USP38: variants seen among roughly 807,000 people sequenced by gnomAD.
The protein encoded by USP38 is ubiquitin specific peptidase 38.
A neutral mutation model predicts 94.3 loss-of-function variants in USP38; 49 were observed. That is an observed-to-expected ratio of 0.52 (90% CI 0.41 to 0.66). The LOEUF is 0.66. Ranked by LOEUF, USP38 falls within the 30% of genes least tolerant of loss-of-function variation. USP38 has a pLI of 0.00. For synonymous variants in USP38, 468 were observed against 463.6 expected (o/e 1.01, Z -0.12); for missense variants, 1,128 against 1,229.4 (o/e 0.92, Z 1.23).
Position 143,209,670 on chromosome 4 carries a change from G to C in USP38, c.1497+13G>C. The C allele has an allele frequency of 6.5e-7, 1 of 1,527,600 alleles. No homozygotes were observed. Among genetic ancestry groups the C allele is most frequent in the South Asian group, 1.1e-5 (1 of 87,470 alleles). 94.6% of individuals were successfully genotyped at this position (1,527,600 alleles called of 1,614,324 possible). A position where few individuals can be genotyped will look rare whatever the true frequency, so the allele number is the denominator to read the frequency against. On this transcript the variant is annotated intron_variant, in intron 7 of 9. Coordinates refer to ENST00000307017, the MANE Select transcript of USP38 (RefSeq NM_032557.6). The stretch of plus-strand genomic sequence containing the variant: ...GGCCCATACACAGGTGAGTGTGTAT[G>C]TGTATATAGTACGTTTATGTTAACT...
chr4:143,202,136 A>G (rs895175243), intron 4 of USP38, among the ~76,000 whole-genome samples: 8 of 152,194 alleles, frequency 5.3e-5, no homozygotes, highest in African/African-American at 1.9e-4. Flanking sequence ...ATGTGGCTTT[A>G]TGCGACAGAA....
Position 143,213,596 on chromosome 4 carries a change from A to C in USP38, c.1620A>C (p.Glu540Asp). The change falls in exon 9 of 10, where the codon GAA (glutamate) becomes GAC (aspartate). Residue 540 changes from glutamate (E) to aspartate (D), a missense_variant. Glu to Asp is a conservative substitution (Grantham distance 45). Coordinates refer to ENST00000307017, the MANE Select transcript of USP38 (RefSeq NM_032557.6). ...RFLLDRLHEEEKILKVQASHK... is the reference protein window; with the variant it reads ...RFLLDRLHEEDKILKVQASHK... The stretch of plus-strand genomic sequence containing the variant: ...TCTGCTGCAGGCTCCATGAAGAAGA[A>C]AAGATCTTGAAAGTTCAGGCCTCAC... 6.2e-7 allele frequency: 1 copy of C among 1,603,640 alleles called. No homozygotes were observed. Among genetic ancestry groups the C allele is most frequent in the Non-Finnish European group, 8.5e-7 (1 of 1,176,432 alleles).
chr4:143,192,411 G>A (rs552064052), intron 2 of USP38, among the ~76,000 whole-genome samples: 10 of 152,200 alleles, frequency 6.6e-5, no homozygotes, highest in Admixed American at 4.6e-4. Context: ...TGATCCAGCC[G>A]CCTTGGCCTC....
intron 4 of USP38, among the ~76,000 whole-genome samples, chr4:143,201,857 CAT>C (rs1731724590): frequency 6.6e-6 from 1 of 152,094 alleles, no homozygotes; most frequent in African/African-American, 2.4e-5. Context: ...AACTTTCACA[CAT>C]TTAGAAAGTA....
rs1402876262 is a variant in USP38, at chr4:143,221,990, C to T, written c.*1534C>T. The T allele has an allele frequency of 1.3e-5, 2 of 152,010 alleles. No individual in the cohort carries two copies. Among genetic ancestry groups the T allele is most frequent in the South Asian group, 4.1e-4 (2 of 4,836 alleles). The allele number at this position is 152,010 out of a possible 1,614,324, so 9.4% of individuals were successfully genotyped here. ...CCTTATAAATGAATGAACCAGTTAT[C>T]ATGCTTTTCTGTGGTTTTCCTATCC... is the stretch of plus-strand genomic sequence containing the variant. On this transcript the variant is annotated 3_prime_UTR_variant, in exon 10 of 10. Coordinates refer to ENST00000307017, the MANE Select transcript of USP38 (RefSeq NM_032557.6).
intron 9 of USP38, among the ~76,000 whole-genome samples, chr4:143,219,704 A>G (rs752403444): frequency 6.6e-6 from 1 of 152,134 alleles, no homozygotes; most frequent in Non-Finnish European, 1.5e-5. Context: ...TGAATTTGCC[A>G]TTATTTATTC....
intron 6 of USP38, among the ~76,000 whole-genome samples, chr4:143,208,698 A>G (rs9993699): frequency 0.99 from 150,649 of 152,052 alleles, 74,629 homozygotes; most frequent in East Asian, 1. Context: ...TACTCTGGAT[A>G]ATCATCCTTT....
intron 6 of USP38, 83 bp downstream of exon 6, chr4:143,206,309 A>G: frequency 8.5e-7 from 1 of 1,172,186 alleles, no homozygotes; most frequent in East Asian, 2.6e-5. Context: ...AATTGTCTAC[A>G]CATTATTCCT....
chr4:143,198,398 A>G (rs939877261), intron 4 of USP38, among the ~76,000 whole-genome samples: 7 of 152,200 alleles, frequency 4.6e-5, no homozygotes, highest in Admixed American at 1.3e-4. Context: ...TTTGATTTCA[A>G]TTATTTGATT....
intron 2 of USP38, 123 bp downstream of exon 2, chr4:143,188,084 A>G: frequency 8.7e-7 from 1 of 1,152,934 alleles, no homozygotes; most frequent in African/African-American, 1.6e-5. Flanking sequence ...GACATATGTA[A>G]AGATTCTCCA....
At chr4:143,186,255 A>G in intron 1 of USP38, 123 bp downstream of exon 1, 1 of 974,324 alleles carries the variant, frequency 1.0e-6, no homozygotes, top group Non-Finnish European at 1.5e-6. Context: ...GCAAATCCTA[A>G]TACCTCATCC....
Position 143,197,939 on chromosome 4 carries a change from A to C in USP38, c.1050+15A>C, listed in dbSNP as rs1731599229. The C allele has an allele frequency of 1.3e-6, 2 of 1,568,230 alleles. No homozygotes were observed. The highest frequency in any genetic ancestry group is 1.7e-6 in the Non-Finnish European group (2 of 1,151,120). On this transcript the variant is annotated intron_variant, in intron 4 of 9. Transcript: ENST00000307017. ...CGTTCCATTTGGTAAGTTATGACAT[A>C]AACGTTCTACTTTGAAAAAGCCTCA...
At chr4:143,189,089 G>T (rs1262791975) in intron 2 of USP38, among the ~76,000 whole-genome samples, 1 of 151,724 alleles carries the variant, frequency 6.6e-6, no homozygotes, top group Non-Finnish European at 1.5e-5. Context: ...TTGTGAGGAA[G>T]TGGTTTGCAA....
In USP38 at chr4:143,222,253, T is replaced by C. The variant is rs538623441; in HGVS notation, c.*1797T>C. The C allele has an allele frequency of 1.3e-5, 2 of 152,158 alleles. No homozygotes were observed. Among genetic ancestry groups the C allele is most frequent in the South Asian group, 4.1e-4 (2 of 4,828 alleles). 9.4% of individuals were successfully genotyped at this position (152,158 alleles called of 1,614,324 possible). A position where few individuals can be genotyped will look rare whatever the true frequency, so the allele number is the denominator to read the frequency against. On this transcript the variant is annotated 3_prime_UTR_variant, in exon 10 of 10. Transcript: ENST00000307017. ...ATTTTATGTATCAAGATAATATGTA[T>C]TGACTTTTTTAAATGATAAAATGAA...
intron 5 of USP38, among the ~76,000 whole-genome samples, chr4:143,204,231 T>G (rs1249029023): frequency 1.3e-5 from 2 of 152,160 alleles, no homozygotes; most frequent in Non-Finnish European, 2.9e-5. Context: ...CTGCCTGCCT[T>G]GGCCTTCCAA....
At chr4:143,213,445 T>C in intron 8 of USP38, 136 bp from the exon 9 acceptor site, 3 of 1,023,988 alleles carry the variant, frequency 2.9e-6, no homozygotes, top group Middle Eastern at 3.4e-4. Context: ...AATTTTCTTT[T>C]AATTAAAACA....
At chr4:143,194,700 G>A (rs958214082) in intron 2 of USP38, among the ~76,000 whole-genome samples, 1 of 152,100 alleles carries the variant, frequency 6.6e-6, no homozygotes, top group Admixed American at 6.5e-5. Context: ...TGGAGATGGG[G>A]TTTCACCCTG....
Position 143,213,672 on chromosome 4 carries a change from G to A in USP38, c.1696G>A (p.Ala566Thr). 1 of 1,613,524 alleles carries A rather than the reference G, an allele frequency of 6.2e-7. No individual in the cohort carries two copies. The highest frequency in any genetic ancestry group is 1.1e-5 in the South Asian group (1 of 91,052). Residue 566 changes from alanine (A) to threonine (T), a missense_variant, in exon 9 of 10, where the codon GCT becomes ACT. By Grantham distance (58) the Ala-to-Thr change is moderately conservative. Transcript: ENST00000307017. ...CAGTGAAACTTCTTTACAGGAAGTA[G>A]CTAGTAAAGCAGCAGTACTAACAGA... The part of the protein sequence containing the change: ...ECSETSLQEV[A>T]SKAAVLTETP...
chr4:143,200,498 C>T (rs940172805), intron 4 of USP38, among the ~76,000 whole-genome samples: 2 of 152,164 alleles, frequency 1.3e-5, no homozygotes, highest in African/African-American at 4.8e-5. Context: ...TCTCTCACCA[C>T]TCCTAATCAA....
Sources: gnomAD v4.1 joint callset for allele counts (sites outside exome capture counted in the v4.1 genomes callset) on GRCh38, gnomAD v4.1.1 for gene constraint, MANE v1.5 for transcripts, NCBI Gene and HGNC (gene_info 2026-07-23, HGNC 2026-07-21) for gene names.